PPP3R1: variants seen among roughly 807,000 people sequenced by gnomAD.
PPP3R1 encodes protein phosphatase 3 regulatory subunit B, alpha.
Under a neutral mutation model 22.6 loss-of-function variants are expected in PPP3R1, and 5 were observed. That is an observed-to-expected ratio of 0.22 (90% CI 0.12 to 0.46). The LOEUF is 0.46. PPP3R1 is among the 20% of genes least tolerant of loss of function. PPP3R1 has a pLI of 0.99. For missense variants in PPP3R1, 61 were observed against 203.2 expected, an observed-to-expected ratio of 0.30 and a Z score of 4.25; for synonymous variants, 56 against 65.2, an observed-to-expected ratio of 0.86 and a Z score of 0.68.
chr2:68,244,113 T>G (rs1329985445), intron 1 of PPP3R1, among the ~76,000 whole-genome samples: 1 of 152,162 alleles, frequency 6.6e-6, no homozygotes, highest in South Asian at 2.1e-4. Context: ...AAAACATGTT[T>G]CCCCTTCCTT....
In PPP3R1 at chr2:68,181,024, G is replaced by GAAC; in HGVS notation, c.466-17_466-15dup. On this transcript the variant is annotated splice_polypyrimidine_tract_variant and intron_variant, in intron 5 of 5. Coordinates refer to ENST00000234310, the MANE Select transcript of PPP3R1 (RefSeq NM_000945.4). Reference sequence around the variant, plus strand: ...GCCACCTACAACCTGCAACAGACAGGAACAAATCAAGCTTCACAGTGTCTG... The same window carrying GAAC: ...GCCACCTACAACCTGCAACAGACAGGAACAACAAATCAAGCTTCACAGTGTCTG... 6.2e-7 allele frequency: 1 copy of GAAC among 1,610,906 alleles called. No individual in the cohort carries two copies. Among genetic ancestry groups the GAAC allele is most frequent in the Non-Finnish European group, 8.5e-7 (1 of 1,177,222 alleles).
chr2:68,225,623 T>A (rs1222704964), intron 1 of PPP3R1, among the ~76,000 whole-genome samples: 1 of 152,216 alleles, frequency 6.6e-6, no homozygotes, highest in Non-Finnish European at 1.5e-5. Context: ...AAATAATAAA[T>A]GAGTGCTGTT....
At chr2:68,235,978 A>G (rs986631926) in intron 1 of PPP3R1, among the ~76,000 whole-genome samples, 12 of 152,178 alleles carry the variant, frequency 7.9e-5, no homozygotes, top group African/African-American at 1.9e-4. Context: ...TGACATCTTC[A>G]TATCTTCTCT....
Position 68,252,151 on chromosome 2 carries a change from G to A in PPP3R1, c.-24C>T. 7.2e-7 allele frequency: 1 copy of A among 1,388,832 alleles called. No individual in the cohort carries two copies. Among genetic ancestry groups the A allele is most frequent in the Non-Finnish European group, 9.6e-7 (1 of 1,040,698 alleles). The allele number at this position is 1,388,832 out of a possible 1,614,324, so 86.0% of individuals were successfully genotyped here. On this transcript the variant is annotated 5_prime_UTR_variant, in exon 1 of 6. Coordinates refer to ENST00000234310, the MANE Select transcript of PPP3R1 (RefSeq NM_000945.4). ...ATTTTGCTCGGCGGGTCGGCGGCTC[G>A]CTGGCTCGCTGGCTCGGAGAAGTGT...
At chr2:68,202,670 T>C (rs951868970) in intron 2 of PPP3R1, among the ~76,000 whole-genome samples, 1 of 151,792 alleles carries the variant, frequency 6.6e-6, no homozygotes, top group African/African-American at 2.4e-5. Flanking sequence ...GGTGATCCAC[T>C]TGCCTCGGTC....
chr2:68,223,817 A>C (rs1234198332), intron 1 of PPP3R1, among the ~76,000 whole-genome samples: 3 of 152,060 alleles, frequency 2.0e-5, no homozygotes, highest in Non-Finnish European at 2.9e-5. Flanking sequence ...AAAAAAAAAA[A>C]AAAACAAAAG....
In PPP3R1 at chr2:68,198,309, A is replaced by G. The variant is rs912330319; in HGVS notation, c.44-9619T>C. ...TGTGTATACACATGTATACATGTATACATATATGTATATACATATGTACAT... is the reference window on the plus strand; with the variant it reads ...TGTGTATACACATGTATACATGTATGCATATATGTATATACATATGTACAT... On this transcript the variant is annotated intron_variant, in intron 2 of 5. Coordinates refer to ENST00000234310, the MANE Select transcript of PPP3R1 (RefSeq NM_000945.4). 5.8e-5 allele frequency among the ~76,000 whole-genome samples: 8 copies of G among 138,788 alleles called. No individual in the cohort carries two copies. In the East Asian group the frequency reaches 6.4e-4, roughly 11 times the overall value. 91.1% of individuals were successfully genotyped at this position (138,788 alleles called of 152,430 possible).
chr2:68,232,730 T>C (rs1355566830), intron 1 of PPP3R1, among the ~76,000 whole-genome samples: 2 of 151,860 alleles, frequency 1.3e-5, no homozygotes, highest in African/African-American at 4.8e-5. Flanking sequence ...CCTCAGCCTC[T>C]CGAGTAGCTG....
chr2:68,223,807 A>C (rs1669731770), intron 1 of PPP3R1, among the ~76,000 whole-genome samples: 2 of 133,998 alleles, frequency 1.5e-5, no homozygotes, highest in Non-Finnish European at 3.2e-5. Context: ...AAGGGAAGAC[A>C]AAAAAAAAAA....
At chr2:68,196,089 T>G (rs13003609) in intron 2 of PPP3R1, among the ~76,000 whole-genome samples, 1 of 151,980 alleles carries the variant, frequency 6.6e-6, no homozygotes, top group Non-Finnish European at 1.5e-5. Context: ...TAGAGGTGTT[T>G]TGGAAAAAAG....
intron 2 of PPP3R1, among the ~76,000 whole-genome samples, chr2:68,196,663 C>A (rs866525970): frequency 1.1e-4 from 16 of 152,106 alleles, no homozygotes; most frequent in Admixed American, 2.6e-4. Flanking sequence ...GATTATCATG[C>A]AATTGTCAAA....
intron 1 of PPP3R1, among the ~76,000 whole-genome samples, chr2:68,232,148 T>C (rs1669921208): frequency 6.0e-5 from 2 of 33,210 alleles, no homozygotes; most frequent in African/African-American, 1.1e-4. Context: ...CATATATATG[T>C]ATATATATAT....
intron 1 of PPP3R1, among the ~76,000 whole-genome samples, chr2:68,224,551 C>G (rs529271433): frequency 1.3e-5 from 2 of 152,054 alleles, no homozygotes; most frequent in African/African-American, 2.4e-5. Context: ...GCAATCCCAG[C>G]TACTCGGGAA....
intron 1 of PPP3R1, among the ~76,000 whole-genome samples, chr2:68,234,082 G>A (rs1401329823): frequency 2.0e-5 from 3 of 152,238 alleles, no homozygotes; most frequent in Middle Eastern, 3.4e-3. Flanking sequence ...GGTGGCTCAC[G>A]CCTGTAATCC....
At chr2:68,214,702 C>T (rs1669545335) in intron 2 of PPP3R1, among the ~76,000 whole-genome samples, 3 of 152,100 alleles carry the variant, frequency 2.0e-5, no homozygotes, top group East Asian at 1.9e-4. Context: ...TTAGTTCAGC[C>T]GTTGTGGGAA....
intron 1 of PPP3R1, among the ~76,000 whole-genome samples, chr2:68,230,239 T>G (rs537367221): frequency 3.3e-5 from 5 of 152,144 alleles, no homozygotes; most frequent in Admixed American, 2.6e-4. Flanking sequence ...GCAATCCACA[T>G]GCCTCAACCT....
chr2:68,210,010 T>A (rs1404192741), intron 2 of PPP3R1, among the ~76,000 whole-genome samples: 1 of 152,014 alleles, frequency 6.6e-6, no homozygotes, highest in African/African-American at 2.4e-5. Flanking sequence ...TAATGAGCAA[T>A]GGGGAAAGTG....
At position 68,195,887 on chromosome 2, in the gene PPP3R1, CT is replaced by C. The variant is rs570571597; in HGVS notation, c.44-7198del. 9.8e-3 allele frequency among the ~76,000 whole-genome samples: 1,381 copies of C among 141,340 alleles called. 16 individuals are homozygous for C. Among genetic ancestry groups the C allele is most frequent in the African/African-American group, 0.02 (773 of 38,792 alleles). The allele number at this position is 141,340 out of a possible 152,430, so 92.7% of individuals were successfully genotyped here. On this transcript the variant is annotated intron_variant, in intron 2 of 5. Transcript: ENST00000234310. Reference sequence around the variant, plus strand: ...GCTCCTATGCGGCCTTTCCAACAACCTTTTTTTTTTTTTTAAGTACTTCCTT... The same window carrying C: ...GCTCCTATGCGGCCTTTCCAACAACCTTTTTTTTTTTTTAAGTACTTCCTT...
chr2:68,245,068 G>A (rs1244598002), intron 1 of PPP3R1, among the ~76,000 whole-genome samples: 5 of 152,086 alleles, frequency 3.3e-5, no homozygotes, highest in Admixed American at 1.3e-4. Context: ...CTATTACCCT[G>A]ACTCAAATAT....
Sources: gnomAD v4.1 joint callset for allele counts (sites outside exome capture counted in the v4.1 genomes callset) on GRCh38, gnomAD v4.1.1 for gene constraint, MANE v1.5 for transcripts, NCBI Gene and HGNC (gene_info 2026-07-23, HGNC 2026-07-21) for gene names.